CCDC88A: variants seen among roughly 807,000 people sequenced by gnomAD.
CCDC88A encodes girdin.
A neutral mutation model predicts 234.3 loss-of-function variants in CCDC88A; 54 were observed. That is an observed-to-expected ratio of 0.23 (90% confidence interval 0.19 to 0.29). The LOEUF is 0.29. Ranked by LOEUF, CCDC88A falls within the 10% of genes least tolerant of loss-of-function variation. The pLI is 1.00. For synonymous variants in CCDC88A, 753 were observed against 737.8 expected (o/e 1.02, Z -0.33); for missense variants, 1,832 against 2,123.4 (o/e 0.86, Z 2.70).
intron 5 of CCDC88A, among the ~76,000 whole-genome samples, chr2:55,369,201 A>ATT (rs1212812102): frequency 6.6e-6 from 1 of 151,754 alleles, no homozygotes; most frequent in African/African-American, 2.4e-5. Context: ...CACCCGGCTA[A>ATT]TTTTTGTATT....
intron 17 of CCDC88A, chr2:55,323,442 G>A (rs1333802497): frequency 6.6e-6 from 1 of 152,132 alleles, no homozygotes; most frequent in African/African-American, 2.4e-5. Context: ...CAATGAGTTA[G>A]AAAATAATGA....
chr2:55,397,725 T>C (rs1677865823), intron 2 of CCDC88A, among the ~76,000 whole-genome samples: 1 of 152,148 alleles, frequency 6.6e-6, no homozygotes. Context: ...TTAAATTTTG[T>C]GTCCAATATT....
intron 2 of CCDC88A, among the ~76,000 whole-genome samples, chr2:55,398,322 T>A (rs1677972773): frequency 1.3e-5 from 2 of 152,226 alleles, no homozygotes; most frequent in African/African-American, 4.8e-5. Flanking sequence ...TATTTTAGTA[T>A]GAAAACAGAA....
chr2:55,349,263 G>C, intron 9 of CCDC88A: 1 of 400,182 alleles, frequency 2.5e-6, no homozygotes, highest in Non-Finnish European at 4.4e-6. Flanking sequence ...ACATCAAAAA[G>C]AAAAATGTGG....
rs760886877 is a variant in CCDC88A, at chr2:55,328,440, C to A, written c.2856-5G>T. 2 of 1,535,954 alleles carry A rather than the reference C, an allele frequency of 1.3e-6. No homozygotes were observed. Among genetic ancestry groups the A allele is most frequent in the South Asian group, 1.2e-5 (1 of 80,902 alleles). ...GATTCCAAAAGTTTATACCTACTAT[C>A]CAAGTACAAAGTAATGTAGTTCATT... On this transcript the variant is annotated splice_polypyrimidine_tract_variant and splice_region_variant and intron_variant, in intron 16 of 32. Coordinates refer to ENST00000436346, the MANE Select transcript of CCDC88A (RefSeq NM_001365480.1). The surrounding 1 kb of genome is among the most constrained non-coding windows in gnomAD (Gnocchi z 4.3).
At chr2:55,393,369 C>T (rs572801444) in intron 2 of CCDC88A, among the ~76,000 whole-genome samples, 1 of 133,476 alleles carries the variant, frequency 7.5e-6, no homozygotes, top group Non-Finnish European at 1.5e-5. Context: ...CAGCTCACTG[C>T]AACCTCTGCC....
At chr2:55,302,985 C>T in intron 26 of CCDC88A, 84 bp downstream of exon 26, 1 of 879,186 alleles carries the variant, frequency 1.1e-6, no homozygotes, top group Non-Finnish European at 1.9e-6. Context: ...GAAATTGGCA[C>T]AGTCCAGAGA....
At chr2:55,318,512 C>CA (rs922918795) in intron 19 of CCDC88A, among the ~76,000 whole-genome samples, 45 of 151,028 alleles carry the variant, frequency 3.0e-4, no homozygotes, top group African/African-American at 9.7e-4. Context: ...ACTAAACTGA[C>CA]AAAAAAAAGC....
At chr2:55,375,769 C>A (rs1385477226) in intron 3 of CCDC88A, among the ~76,000 whole-genome samples, 1 of 151,760 alleles carries the variant, frequency 6.6e-6, no homozygotes, top group Admixed American at 6.6e-5. Context: ...CTCAAGTGAT[C>A]CACCCGCCTT....
At chr2:55,408,774 T>C (rs771835010) in intron 2 of CCDC88A, among the ~76,000 whole-genome samples, 4 of 152,132 alleles carry the variant, frequency 2.6e-5, no homozygotes, top group East Asian at 3.8e-4. Flanking sequence ...TTTCACTTTA[T>C]AGACTTGCCC....
intron 3 of CCDC88A, among the ~76,000 whole-genome samples, chr2:55,379,336 A>C (rs1674207357): frequency 6.6e-6 from 1 of 152,232 alleles, no homozygotes; most frequent in South Asian, 2.1e-4. Flanking sequence ...GCATGTATAT[A>C]AACTAATGAA....
intron 2 of CCDC88A, among the ~76,000 whole-genome samples, chr2:55,390,577 T>TA (rs1390259788): frequency 2.6e-5 from 4 of 152,164 alleles, no homozygotes; most frequent in African/African-American, 9.7e-5. Flanking sequence ...CCTCTTGCCA[T>TA]AAAAAACTAG....
intron 9 of CCDC88A, 137 bp downstream of exon 9, chr2:55,349,381 A>G: frequency 1.6e-6 from 1 of 633,586 alleles, no homozygotes; most frequent in Non-Finnish European, 2.7e-6. Context: ...ACTCTGAAAA[A>G]GTCATCCAAT....
At chr2:55,326,907 G>A (rs887385228) in intron 17 of CCDC88A, among the ~76,000 whole-genome samples, 3 of 152,096 alleles carry the variant, frequency 2.0e-5, no homozygotes, top group Admixed American at 6.5e-5. Flanking sequence ...TGAAACACAC[G>A]TATGCAACTC....
At chr2:55,407,767 T>C (rs1193685355) in intron 2 of CCDC88A, among the ~76,000 whole-genome samples, 30 of 149,352 alleles carry the variant, frequency 2.0e-4, no homozygotes, top group African/African-American at 6.7e-4. Flanking sequence ...TTCCAGGCTG[T>C]AGTGCAGTGG....
At chr2:55,364,261 C>G (rs182334831) in intron 5 of CCDC88A, 22 of 345,782 alleles carry the variant, frequency 6.4e-5, no homozygotes, top group Middle Eastern at 1.6e-3. Flanking sequence ...CTGGAAAGTT[C>G]TAAAGTGGGA....
intron 3 of CCDC88A, among the ~76,000 whole-genome samples, chr2:55,379,886 C>T (rs1478241937): frequency 6.6e-6 from 1 of 150,980 alleles, no homozygotes; most frequent in Non-Finnish European, 1.5e-5. Flanking sequence ...GCACTCCAGC[C>T]AAGGCAACAA....
chr2:55,320,278 A>G (rs1683463369), intron 18 of CCDC88A, among the ~76,000 whole-genome samples: 2 of 152,178 alleles, frequency 1.3e-5, no homozygotes, highest in East Asian at 3.8e-4. Context: ...TAAATTGTAC[A>G]AGCTCTACCG....
At chr2:55,331,689 T>C (rs926175797) in intron 16 of CCDC88A, 1 of 152,212 alleles carries the variant, frequency 6.6e-6, no homozygotes, top group African/African-American at 2.4e-5. Context: ...TGATAGATTG[T>C]AATTACCATG....
Sources: allele counts gnomAD v4.1 joint callset (sites outside exome capture counted in the v4.1 genomes callset), GRCh38; gene constraint gnomAD v4.1.1; non-coding constraint Gnocchi (gnomAD v3.1); transcripts MANE v1.5; gene names NCBI Gene and HGNC (gene_info 2026-07-23, HGNC 2026-07-21).